RGS21: variants seen among roughly 807,000 people sequenced by gnomAD.
RGS21 encodes the protein regulator of G protein signaling 21.
A neutral mutation model predicts 18.7 loss-of-function variants in RGS21; 19 were observed. The observed-to-expected ratio is 1.01, with a 90% CI of 0.71 to 1.49. The LOEUF (loss-of-function observed/expected upper bound fraction) is 1.49, where lower values mean the gene tolerates loss of function less well. Among genes scored for constraint, RGS21 ranks in the 40% most tolerant of loss-of-function variants. The pLI is 0.00. For missense variants in RGS21, 194 were observed against 176.8 expected (o/e 1.10, Z -0.55); for synonymous variants, 56 against 57.8 (o/e 0.97, Z 0.14).
chr1:192,318,738 A>G (rs928312211), intron 1 of RGS21, among the ~76,000 whole-genome samples: 2 of 152,144 alleles, frequency 1.3e-5, no homozygotes, highest in African/African-American at 4.8e-5. Context: ...TTATTGAAAG[A>G]ATAAAAAACC....
At chr1:192,347,281 G>T in intron 2 of RGS21, 32 bp from the exon 3 acceptor site, 1 of 1,341,252 alleles carries the variant, frequency 7.5e-7, no homozygotes, top group African/African-American at 1.4e-5. Flanking sequence ...GGTTAAAGAA[G>T]AAAAAGATCA....
At chr1:192,361,980 GTACAGGATATAAT>G (rs1659193069) in intron 4 of RGS21, among the ~76,000 whole-genome samples, 1 of 152,150 alleles carries the variant, frequency 6.6e-6, no homozygotes, top group Admixed American at 6.6e-5. Flanking sequence ...AAGACAAACT[GTACAGGATATAAT>G]TATGAGGGCA....
intron 1 of RGS21, among the ~76,000 whole-genome samples, chr1:192,329,764 T>TA (rs11442855): frequency 0.5 from 74,611 of 150,522 alleles, 19,423 homozygotes; most frequent in African/African-American, 0.65. Flanking sequence ...CAGGGAAAAG[T>TA]AAAAAAAAAA....
At chr1:192,357,148 G>C (rs188955157) in intron 4 of RGS21, among the ~76,000 whole-genome samples, 5 of 151,784 alleles carry the variant, frequency 3.3e-5, no homozygotes, top group African/African-American at 7.2e-5. Context: ...AATGTATTTC[G>C]AAGAAGTAAC....
chr1:192,324,738 G>T (rs1201307586), intron 1 of RGS21, among the ~76,000 whole-genome samples: 2 of 151,876 alleles, frequency 1.3e-5, no homozygotes, highest in African/African-American at 4.8e-5. Flanking sequence ...AATTACATTT[G>T]CTTTATTCAT....
At chr1:192,347,258 G>C in intron 2 of RGS21, 55 bp from the exon 3 acceptor site, 1 of 1,052,958 alleles carries the variant, frequency 9.5e-7, no homozygotes, top group Non-Finnish European at 1.5e-6. Flanking sequence ...CATGTAACTC[G>C]AATATTACTA....
intron 4 of RGS21, among the ~76,000 whole-genome samples, chr1:192,356,285 A>C (rs750380533): frequency 4.0e-5 from 6 of 151,814 alleles, no homozygotes; most frequent in African/African-American, 1.4e-4. Context: ...CATCCTTGTA[A>C]GATAAAATCC....
intron 1 of RGS21, among the ~76,000 whole-genome samples, chr1:192,322,975 A>C (rs1306946147): frequency 6.6e-6 from 1 of 152,090 alleles, no homozygotes; most frequent in Non-Finnish European, 1.5e-5. Context: ...GTAAAATATT[A>C]AGGGGGCGGG....
chr1:192,325,778 C>T (rs1352051167), intron 1 of RGS21, among the ~76,000 whole-genome samples: 1 of 151,876 alleles, frequency 6.6e-6, no homozygotes, highest in Non-Finnish European at 1.5e-5. Context: ...TGTCCTTTGC[C>T]CAATTTGTAA....
intron 4 of RGS21, 25 bp from the exon 5 acceptor site, chr1:192,365,896 T>A (rs758938209): frequency 2.5e-5 from 33 of 1,301,412 alleles, no homozygotes; most frequent in African/African-American, 5.9e-5. Flanking sequence ...ACTAATTCAA[T>A]GATATGCAAC....
chr1:192,346,683 G>A (rs1157700106), intron 2 of RGS21, among the ~76,000 whole-genome samples: 5 of 152,106 alleles, frequency 3.3e-5, no homozygotes, highest in African/African-American at 1.2e-4. Flanking sequence ...ATAAATTTTT[G>A]ACTGCTTTGG....
At chr1:192,354,843 C>T (rs1659089983) in intron 4 of RGS21, among the ~76,000 whole-genome samples, 1 of 151,586 alleles carries the variant, frequency 6.6e-6, no homozygotes, top group African/African-American at 2.4e-5. Flanking sequence ...TATTTCATTG[C>T]TAACATGGCT....
chr1:192,358,921 C>T (rs1045455836), intron 4 of RGS21, among the ~76,000 whole-genome samples: 1 of 152,032 alleles, frequency 6.6e-6, no homozygotes, highest in African/African-American at 2.4e-5. Context: ...AATTGTTTTA[C>T]ACAACTACCT....
rs572047271 is a variant in RGS21 at position 192,350,220 on chromosome 1, G to T, written c.89-1827G>T. The stretch of plus-strand genomic sequence containing the variant: ...TTTAATTGGTACCTGATAACCTTTT[G>T]CAATGACTTGTTATTGCAAACTTAT... On this transcript the variant is annotated intron_variant, in intron 3 of 4. Transcript: ENST00000417209. Among the ~76,000 whole-genome samples, 3 of 152,166 alleles carry T rather than the reference G, an allele frequency of 2.0e-5. 1 individual carries two copies. The South Asian group carries it at 6.2e-4, about 32-fold the overall frequency.
intron 4 of RGS21, among the ~76,000 whole-genome samples, chr1:192,361,091 T>C (rs1175786828): frequency 1.3e-5 from 2 of 152,126 alleles, no homozygotes; most frequent in African/African-American, 2.4e-5. Flanking sequence ...AGGATAATAT[T>C]ATCCATCTTA....
intron 1 of RGS21, among the ~76,000 whole-genome samples, chr1:192,330,494 T>C (rs1263480780): frequency 2.6e-5 from 4 of 152,144 alleles, no homozygotes; most frequent in East Asian, 1.9e-4. Flanking sequence ...TTGGCAGACA[T>C]TGAAAGTCAT....
chr1:192,347,859 C>A (rs893583454), intron 3 of RGS21, among the ~76,000 whole-genome samples: 1 of 151,770 alleles, frequency 6.6e-6, no homozygotes, highest in Non-Finnish European at 1.5e-5. Flanking sequence ...AGGGTTTCAC[C>A]ATGTTGGCCA....
In RGS21 at chr1:192,366,114, CT is replaced by C; in HGVS notation, c.455del (p.Leu152CysfsTer7). ...GTTCCAAATCATAAAAAATGGCTCC[CT>C]TTTTTGTGAGGAAGGTAAAAGTTAA... The part of the protein sequence containing the change: ...QQVPNHKKWL[P>X]FL On this transcript the variant is annotated frameshift_variant, in exon 5 of 5. Coordinates refer to ENST00000417209, the MANE Select transcript of RGS21 (RefSeq NM_001039152.3). LOFTEE classifies it high-confidence loss of function. 2 of 1,588,094 alleles carry C rather than the reference CT, an allele frequency of 1.3e-6. No homozygotes were observed. Among genetic ancestry groups the C allele is most frequent in the East Asian group, 2.2e-5 (1 of 44,484 alleles).
At chr1:192,345,777 C>T (rs1439018597) in intron 2 of RGS21, among the ~76,000 whole-genome samples, 2 of 151,912 alleles carry the variant, frequency 1.3e-5, no homozygotes, top group African/African-American at 4.8e-5. Context: ...TTTTAGTATA[C>T]AAACAGGAAT....
Sources: allele counts gnomAD v4.1 joint callset (sites outside exome capture counted in the v4.1 genomes callset), GRCh38; gene constraint gnomAD v4.1.1; transcripts MANE v1.5; gene names NCBI Gene and HGNC (gene_info 2026-07-23, HGNC 2026-07-21).